The following CCDC192 variants were observed in gnomAD, a reference collection of about 807,000 sequenced individuals.
CCDC192 encodes coiled-coil domain-containing protein 192.
intron 2 of CCDC192, 79 bp from the exon 3 acceptor site, chr5:127,754,189 A>G (rs1203735031): frequency 4.0e-5 from 16 of 395,700 alleles, no homozygotes; most frequent in Non-Finnish European, 4.5e-5. Flanking sequence ...TATGGATCTT[A>G]TCAAGTCCAT....
chr5:127,861,091 C>G (rs548512673), intron 5 of CCDC192, among the ~76,000 whole-genome samples: 11 of 152,068 alleles, frequency 7.2e-5, no homozygotes, highest in Admixed American at 2.6e-4. Flanking sequence ...TCACTACAAC[C>G]TTCACCTTTC....
At chr5:127,922,599 G>A (rs1753751995) in intron 6 of CCDC192, among the ~76,000 whole-genome samples, 1 of 152,178 alleles carries the variant, frequency 6.6e-6, no homozygotes, top group South Asian at 2.1e-4. Context: ...AAGTTAGCCT[G>A]GTGTGGTGGC....
At chr5:127,765,328 A>C (rs1299510478) in intron 3 of CCDC192, among the ~76,000 whole-genome samples, 2 of 152,210 alleles carry the variant, frequency 1.3e-5, no homozygotes, top group Non-Finnish European at 1.5e-5. Flanking sequence ...GCAAAATGTA[A>C]AACAATACCA....
intron 2 of CCDC192, among the ~76,000 whole-genome samples, chr5:127,720,038 C>T (rs1426693834): frequency 2.0e-5 from 3 of 152,056 alleles, no homozygotes; most frequent in Non-Finnish European, 4.4e-5. Flanking sequence ...CCTCCCAAAT[C>T]GCACGTCCTT....
chr5:127,902,770 C>A (rs922851294), intron 6 of CCDC192, among the ~76,000 whole-genome samples: 4 of 152,192 alleles, frequency 2.6e-5, no homozygotes, highest in Admixed American at 2.6e-4. Flanking sequence ...TTTTTATAAA[C>A]GATGACACCA....
chr5:127,895,073 T>C (rs981636285), intron 6 of CCDC192, among the ~76,000 whole-genome samples: 1 of 152,198 alleles, frequency 6.6e-6, no homozygotes, highest in Non-Finnish European at 1.5e-5. Context: ...GCTGCGGTAT[T>C]TTGCTGCACA....
chr5:127,764,702 G>A (rs912714593), intron 3 of CCDC192, among the ~76,000 whole-genome samples: 13 of 151,754 alleles, frequency 8.6e-5, no homozygotes, highest in African/African-American at 3.1e-4. Context: ...TGGGGCACTT[G>A]TAAAATACAT....
At chr5:127,713,536 T>C (rs1341401754) in intron 2 of CCDC192, among the ~76,000 whole-genome samples, 1 of 152,196 alleles carries the variant, frequency 6.6e-6, no homozygotes, top group Non-Finnish European at 1.5e-5. Context: ...GTAATGTCTG[T>C]AGATGAACAG....
At chr5:127,852,295 G>C (rs770412524) in intron 5 of CCDC192, among the ~76,000 whole-genome samples, 1 of 152,076 alleles carries the variant, frequency 6.6e-6, no homozygotes, top group Non-Finnish European at 1.5e-5. Context: ...TTTTCTTTAC[G>C]CATAAAGCAT....
At chr5:127,932,605 C>A (rs529964337) in intron 6 of CCDC192, among the ~76,000 whole-genome samples, 1 of 152,310 alleles carries the variant, frequency 6.6e-6, no homozygotes, top group Admixed American at 6.5e-5. Flanking sequence ...CCTAAAGATA[C>A]AGCAATTGTA....
chr5:127,865,651 A>G (rs1389576247), intron 5 of CCDC192, among the ~76,000 whole-genome samples: 1 of 149,760 alleles, frequency 6.7e-6, no homozygotes, highest in Admixed American at 6.7e-5. Flanking sequence ...AGTGTCATCC[A>G]TACTAGATCA....
At chr5:127,938,709 T>G (rs1754257926) in intron 6 of CCDC192, among the ~76,000 whole-genome samples, 1 of 152,280 alleles carries the variant, frequency 6.6e-6, no homozygotes, top group Non-Finnish European at 1.5e-5. Flanking sequence ...TAACATTTTT[T>G]AAACTAAATC....
chr5:127,837,363 T>G lies in CCDC192; in HGVS notation c.412-38175T>G, dbSNP rs1297221120. On this transcript the variant is annotated intron_variant, in intron 5 of 6. Transcript: ENST00000514853. ...CATGGTGGAAGAGGAAGCAGGCACA[T>G]CTTATATAGTGGCAGGTGAGAGAGA... 2.5e-5 allele frequency among the ~76,000 whole-genome samples: 2 copies of G among 81,198 alleles called. 1 individual carries two copies. The highest frequency in any genetic ancestry group is 2.5e-4 in the Admixed American group (2 of 8,094). 53.3% of individuals were successfully genotyped at this position (81,198 alleles called of 152,430 possible).
At chr5:127,917,826 G>A (rs762734904) in intron 6 of CCDC192, among the ~76,000 whole-genome samples, 34 of 152,134 alleles carry the variant, frequency 2.2e-4, no homozygotes, top group Non-Finnish European at 4.6e-4. Context: ...GAGACACAAA[G>A]TGAGCACGTG....
Position 127,719,548 on chromosome 5 carries a change from T to TAC in CCDC192, c.114+11789_114+11790insCA, listed in dbSNP as rs1561445038. 4.4e-4 allele frequency among the ~76,000 whole-genome samples: 16 copies of TAC among 36,406 alleles called. 2 individuals are homozygous for TAC. The East Asian group carries it at 4.9e-3, about 11-fold the overall frequency. 23.9% of individuals were successfully genotyped at this position (36,406 alleles called of 152,430 possible). A position where few individuals can be genotyped will look rare whatever the true frequency, so the allele number is the denominator to read the frequency against. Reference sequence around the variant, plus strand: ...ATACACACATACATATATATATATATATATATATATACACACATACATATA... The same window carrying TAC: ...ATACACACATACATATATATATATATACATATATATATACACACATACATATA... On this transcript the variant is annotated intron_variant, in intron 2 of 6. Coordinates refer to ENST00000514853, the MANE Select transcript of CCDC192 (RefSeq NM_001317938.2).
intron 2 of CCDC192, among the ~76,000 whole-genome samples, chr5:127,743,992 G>A (rs1209157846): frequency 6.6e-6 from 1 of 151,580 alleles, no homozygotes; most frequent in Non-Finnish European, 1.5e-5. Flanking sequence ...TACTCGGGAG[G>A]CTGAGGCAGG....
intron 3 of CCDC192, among the ~76,000 whole-genome samples, chr5:127,755,056 C>T (rs1387462526): frequency 6.6e-6 from 1 of 152,184 alleles, no homozygotes; most frequent in African/African-American, 2.4e-5. Context: ...GCCTTTCCCC[C>T]TGGTCAGAGA....
At chr5:127,778,111 T>G (rs949534022) in intron 3 of CCDC192, among the ~76,000 whole-genome samples, 4 of 152,176 alleles carry the variant, frequency 2.6e-5, no homozygotes. Context: ...GTGGATGTCT[T>G]ATTTGTTCAT....
At chr5:127,833,354 G>A (rs1300171311) in intron 5 of CCDC192, among the ~76,000 whole-genome samples, 1 of 151,952 alleles carries the variant, frequency 6.6e-6, no homozygotes, top group Non-Finnish European at 1.5e-5. Context: ...CTGTCCTATT[G>A]TCCAATGGTG....
Sources: gnomAD v4.1 joint callset for allele counts (sites outside exome capture counted in the v4.1 genomes callset) on GRCh38, gnomAD v4.1.1 for gene constraint, MANE v1.5 for transcripts, NCBI Gene and HGNC (gene_info 2026-07-23, HGNC 2026-07-21) for gene names.